The following ATP8A2 variants were observed in gnomAD, a reference collection of about 807,000 sequenced individuals.
ATP8A2 encodes ATPase phospholipid transporting 8A2.
In ATP8A2, 100 loss-of-function variants were observed where a neutral mutation model predicts 165.6. The observed-to-expected ratio is 0.60, with a 90% CI of 0.51 to 0.71. ATP8A2 has a LOEUF of 0.71. Ranked by LOEUF, ATP8A2 falls within the 30% of genes least tolerant of loss-of-function variation. The pLI, the probability that ATP8A2 is intolerant of heterozygous loss-of-function variation, is 0.00. For missense variants in ATP8A2, 1,227 were observed against 1,479.5 expected, an observed-to-expected ratio of 0.83 and a Z score of 2.80; for synonymous variants, 543 against 548.8, an observed-to-expected ratio of 0.99 and a Z score of 0.15.
At chr13:25,538,575 C>T (rs1274448253) in intron 7 of ATP8A2, among the ~76,000 whole-genome samples, 1 of 152,158 alleles carries the variant, frequency 6.6e-6, no homozygotes, top group Non-Finnish European at 1.5e-5. Context: ...TTCATATTCT[C>T]TAGGTAGTTT....
At chr13:25,942,169 T>C (rs1448534355) in intron 33 of ATP8A2, among the ~76,000 whole-genome samples, 2 of 152,218 alleles carry the variant, frequency 1.3e-5, no homozygotes, top group East Asian at 3.9e-4. Context: ...TTTTCCATTA[T>C]ATAAATTTGC....
chr13:25,654,571 C>A (rs1436316042), intron 24 of ATP8A2, among the ~76,000 whole-genome samples: 1 of 152,170 alleles, frequency 6.6e-6, no homozygotes, highest in Non-Finnish European at 1.5e-5. Flanking sequence ...CTAGGCCATC[C>A]TTTGGCTTTA....
At chr13:25,595,475 C>T (rs1159579439) in intron 24 of ATP8A2, among the ~76,000 whole-genome samples, 1 of 152,136 alleles carries the variant, frequency 6.6e-6, no homozygotes, top group Admixed American at 6.5e-5. Flanking sequence ...TGAGGTGCGA[C>T]CTTGTGCATT....
At chr13:25,506,941 A>ATG (rs1555285050) in intron 2 of ATP8A2, among the ~76,000 whole-genome samples, 1 of 35,290 alleles carries the variant, frequency 2.8e-5, no homozygotes, top group African/African-American at 2.2e-4. Context: ...AGTACAGTAC[A>ATG]TATATATATA....
intron 35 of ATP8A2, among the ~76,000 whole-genome samples, chr13:25,977,124 T>C (rs1378973741): frequency 6.9e-6 from 1 of 145,096 alleles, no homozygotes; most frequent in Admixed American, 7.1e-5. Context: ...CACATTTTGA[T>C]ATGGCTCAGG....
At chr13:25,996,063 G>T (rs1956494976) in intron 35 of ATP8A2, among the ~76,000 whole-genome samples, 1 of 152,076 alleles carries the variant, frequency 6.6e-6, no homozygotes, top group South Asian at 2.1e-4. Flanking sequence ...TTGCTCTAAA[G>T]ACCACTTTAT....
chr13:25,748,243 T>C (rs898507487), intron 25 of ATP8A2, among the ~76,000 whole-genome samples: 1 of 152,206 alleles, frequency 6.6e-6, no homozygotes, highest in African/African-American at 2.4e-5. Flanking sequence ...TGATAGGATT[T>C]TCCCCCCATG....
At chr13:25,919,877 C>T (rs953461046) in intron 33 of ATP8A2, among the ~76,000 whole-genome samples, 1 of 152,134 alleles carries the variant, frequency 6.6e-6, no homozygotes, top group East Asian at 1.9e-4. Context: ...ACCTTGAACT[C>T]CCACGCTCAG....
At chr13:25,569,262 A>G (rs1294614103) in intron 16 of ATP8A2, among the ~76,000 whole-genome samples, 1 of 152,224 alleles carries the variant, frequency 6.6e-6, no homozygotes, top group African/African-American at 2.4e-5. Context: ...TTACTGAACT[A>G]TAATTTAAGG....
Position 25,388,090 on chromosome 13 carries a change from G to A in ATP8A2, c.76+15802G>A, listed in dbSNP as rs2033119911. Among the ~76,000 whole-genome samples, 3 of 151,508 alleles carry A rather than the reference G, an allele frequency of 2.0e-5. No individual in the cohort carries two copies. The South Asian group carries it at 6.3e-4, about 32-fold the overall frequency. On this transcript the variant is annotated intron_variant, in intron 1 of 36. Transcript: ENST00000381655. ...AAAAAAAAAAAATCTCTTTACTAGTGTTTTCAGTTATTTTTATGGTGAGGG... is the reference window on the plus strand; with the variant it reads ...AAAAAAAAAAAATCTCTTTACTAGTATTTTCAGTTATTTTTATGGTGAGGG...
At chr13:25,710,257 C>T (rs565712229) in intron 25 of ATP8A2, among the ~76,000 whole-genome samples, 50 of 152,204 alleles carry the variant, frequency 3.3e-4, no homozygotes, top group Non-Finnish European at 6.3e-4. Flanking sequence ...TTTATCTTTT[C>T]TTGAGTGTTA....
intron 25 of ATP8A2, among the ~76,000 whole-genome samples, chr13:25,736,963 G>T (rs529395703): frequency 6.6e-6 from 1 of 152,184 alleles, no homozygotes; most frequent in South Asian, 2.1e-4. Context: ...GTTAGGGAGG[G>T]TGCATGTGTT....
At chr13:25,436,426 G>A (rs2034777806) in intron 1 of ATP8A2, among the ~76,000 whole-genome samples, 1 of 152,162 alleles carries the variant, frequency 6.6e-6, no homozygotes, top group Admixed American at 6.5e-5. Flanking sequence ...CCATGTTGCT[G>A]CAAAGGACAT....
intron 33 of ATP8A2, among the ~76,000 whole-genome samples, chr13:25,906,779 T>C (rs1289319678): frequency 6.6e-6 from 1 of 152,188 alleles, no homozygotes; most frequent in Non-Finnish European, 1.5e-5. Flanking sequence ...TAAAGCTCAG[T>C]GGCAGAGTCC....
chr13:26,000,734 G>A (rs1956616328), intron 35 of ATP8A2, among the ~76,000 whole-genome samples: 1 of 144,652 alleles, frequency 6.9e-6, no homozygotes, highest in Non-Finnish European at 1.5e-5. Context: ...GTACTTTAAT[G>A]CCAATACCCC....
At chr13:25,605,094 T>C (rs2040482649) in intron 24 of ATP8A2, among the ~76,000 whole-genome samples, 1 of 152,246 alleles carries the variant, frequency 6.6e-6, no homozygotes, top group South Asian at 2.1e-4. Context: ...ACCTACTTTG[T>C]TGTGACAATG....
intron 30 of ATP8A2, among the ~76,000 whole-genome samples, chr13:25,857,605 A>ACTCTGTTGC (rs1952210518): frequency 8.5e-6 from 1 of 117,184 alleles, no homozygotes; most frequent in African/African-American, 3.4e-5. Flanking sequence ...GCAGAGTCTC[A>ACTCTGTTGC]CTCTGTTGCC....
intron 24 of ATP8A2, among the ~76,000 whole-genome samples, chr13:25,674,265 T>TCC (rs111355454): frequency 0.016 from 2,443 of 151,280 alleles, 67 homozygotes; most frequent in African/African-American, 0.056. Context: ...TCCAGATGTG[T>TCC]CCCCCCCCGA....
chr13:25,407,745 G>A (rs2033847327), intron 1 of ATP8A2, among the ~76,000 whole-genome samples: 1 of 152,160 alleles, frequency 6.6e-6, no homozygotes, highest in African/African-American at 2.4e-5. Flanking sequence ...GATATTTGAG[G>A]GGTTAAGAAA....
Sources: gnomAD v4.1 joint callset for allele counts (sites outside exome capture counted in the v4.1 genomes callset) on GRCh38, gnomAD v4.1.1 for gene constraint, MANE v1.5 for transcripts, NCBI Gene and HGNC (gene_info 2026-07-23, HGNC 2026-07-21) for gene names.